The following NFIB variants were observed in gnomAD, a reference collection of about 807,000 sequenced individuals.
NFIB encodes the protein nuclear factor I B.
Under a neutral mutation model 61.5 loss-of-function variants are expected in NFIB, and 11 were observed. The observed-to-expected ratio is 0.18, with a 90% confidence interval of 0.11 to 0.30. The LOEUF is 0.30. Ranked by LOEUF, NFIB falls within the 10% of genes least tolerant of loss-of-function variation. The probability of loss-of-function intolerance (pLI) is 1.00; values close to 1 mark genes in which losing one functional copy is unlikely to be tolerated. For missense variants in NFIB, 471 were observed against 608.9 expected (o/e 0.77, Z 2.38); for synonymous variants, 260 against 216.5 (o/e 1.20, Z -1.76).
At chr9:14,403,158 A>G (rs2061758413), upstream of NFIB, among the ~76,000 whole-genome samples, 1 of 152,178 alleles carries the variant, frequency 6.6e-6, no homozygotes, top group South Asian at 2.1e-4. Context: ...TTTCAAACAC[A>G]TAGTTTATAC....
chr9:14,456,763 A>G, the NFIB span, among the ~76,000 whole-genome samples: 2 of 152,190 alleles, frequency 1.3e-5, no homozygotes, highest in African/African-American at 4.8e-5. Context: ...TAAGTTTTCA[A>G]TAGGGGACAA....
At chr9:14,261,610 T>A (rs564693821) in intron 2 of NFIB, among the ~76,000 whole-genome samples, 150 of 152,218 alleles carry the variant, frequency 9.9e-4, no homozygotes, top group Non-Finnish European at 1.7e-3. Flanking sequence ...CATATCCCAA[T>A]GGGGTACAGA....
intron 2 of NFIB, among the ~76,000 whole-genome samples, chr9:14,250,029 C>T (rs983120398): frequency 3.9e-5 from 6 of 152,296 alleles, no homozygotes; most frequent in Middle Eastern, 3.4e-3. Flanking sequence ...CAAAACCCCT[C>T]GAGTCTCTTT....
intron 8 of NFIB, among the ~76,000 whole-genome samples, chr9:14,116,668 A>T: frequency 6.6e-6 from 1 of 152,280 alleles, no homozygotes; most frequent in Non-Finnish European, 1.5e-5. Flanking sequence ...TGCTTAGCCC[A>T]AAGGCTAAAA....
the NFIB span, among the ~76,000 whole-genome samples, chr9:14,405,806 G>A: frequency 9.2e-5 from 14 of 152,176 alleles, no homozygotes; most frequent in African/African-American, 1.7e-4. Context: ...ATTTAGCCCC[G>A]ATGGGTTCAA....
chr9:14,254,971 A>T (rs1587953408), intron 2 of NFIB, among the ~76,000 whole-genome samples: 1 of 152,146 alleles, frequency 6.6e-6, no homozygotes, highest in African/African-American at 2.4e-5. Context: ...AAATTTCAAA[A>T]CAAAATAACC....
chr9:14,353,822 A>G, intron 1 of NFIB, among the ~76,000 whole-genome samples: 1 of 148,352 alleles, frequency 6.7e-6, no homozygotes, highest in South Asian at 2.2e-4. Context: ...GTCCAAATAG[A>G]GACTCTAGTG....
chr9:14,109,198 A>G (rs1371343908), intron 10 of NFIB, among the ~76,000 whole-genome samples: 1 of 152,076 alleles, frequency 6.6e-6, no homozygotes, highest in East Asian at 1.9e-4. Context: ...AAATTGTTAG[A>G]CTGAATTATA....
chr9:14,476,899 A>G, the NFIB span, among the ~76,000 whole-genome samples: 1 of 152,350 alleles, frequency 6.6e-6, no homozygotes, highest in East Asian at 1.9e-4. Flanking sequence ...ATATTTGTTA[A>G]AAATAGCATG....
chr9:14,234,804 G>GT, intron 2 of NFIB, among the ~76,000 whole-genome samples: 1 of 87,640 alleles, frequency 1.1e-5, no homozygotes, highest in South Asian at 4.0e-4. Context: ...TTTTTTTTTT[G>GT]GTTTTTTTTT....
At chr9:14,138,231 G>C (rs1261322990) in intron 6 of NFIB, among the ~76,000 whole-genome samples, 2 of 152,028 alleles carry the variant, frequency 1.3e-5, no homozygotes, top group East Asian at 1.9e-4. Flanking sequence ...AGAAAGGAAG[G>C]GCTCAATAAA....
the NFIB span, among the ~76,000 whole-genome samples, chr9:14,417,774 G>GTTTTTTT: frequency 7.6e-5 from 7 of 91,776 alleles, no homozygotes; most frequent in Non-Finnish European, 1.2e-4. Context: ...CCTAGGAACA[G>GTTTTTTT]TTTTTTTTTT....
chr9:14,314,791 CTTT>C (rs773956206), upstream of NFIB, among the ~76,000 whole-genome samples: 1 of 133,954 alleles, frequency 7.5e-6, no homozygotes, highest in Non-Finnish European at 1.6e-5. Flanking sequence ...AGAACCATGA[CTTT>C]TTTTTTTTTT....
intron 2 of NFIB, among the ~76,000 whole-genome samples, chr9:14,185,693 G>C (rs1044379195): frequency 1.3e-5 from 2 of 152,044 alleles, no homozygotes; most frequent in African/African-American, 4.8e-5. Flanking sequence ...AAGAAAGAAA[G>C]ACAAAGCATA....
chr9:14,179,750 T>C lies in NFIB; in HGVS notation c.593A>G (p.Asn198Ser), dbSNP rs772175740. The change falls in exon 3 of 11, where the codon AAT (asparagine) becomes AGT (serine). Residue 198 changes from asparagine to serine, a missense_variant. Coordinates refer to ENST00000380953, the MANE Select transcript of NFIB (RefSeq NM_001190737.2). ...DSGQSGSPSHNDPAKNPPGYL... is the reference protein window; with the variant it reads ...DSGQSGSPSHSDPAKNPPGYL... ...ACCTGGAGGATTCTTGGCAGGATCA[T>C]TGTGGCTTGGACTTCCTGATTGTCC... is the stretch of plus-strand genomic sequence containing the variant. The C allele has an allele frequency of 4.2e-5, 68 of 1,613,500 alleles. No homozygotes were observed. The highest frequency in any genetic ancestry group is 2.9e-4 in the South Asian group (26 of 91,014).
chr9:14,171,426 G>A (rs1386375187), intron 3 of NFIB, among the ~76,000 whole-genome samples: 1 of 152,150 alleles, frequency 6.6e-6, no homozygotes, highest in African/African-American at 2.4e-5. Context: ...ATAAACTTGT[G>A]TGCACACATC....
intron 2 of NFIB, among the ~76,000 whole-genome samples, chr9:14,243,078 A>G (rs901697191): frequency 3.3e-5 from 5 of 152,174 alleles, no homozygotes; most frequent in Admixed American, 2.6e-4. Context: ...AAGAAATCCA[A>G]TAGTTATGTA....
the NFIB span, among the ~76,000 whole-genome samples, chr9:14,415,751 G>A: frequency 6.6e-6 from 1 of 152,184 alleles, no homozygotes; most frequent in African/African-American, 2.4e-5. Context: ...TGATGTCGGT[G>A]TCCAACAATA....
chr9:14,106,310 T>A (rs2118918237), intron 10 of NFIB, among the ~76,000 whole-genome samples: 1 of 152,256 alleles, frequency 6.6e-6, no homozygotes, highest in Admixed American at 6.5e-5. Context: ...ATCATTTTAA[T>A]CCTTTAATTT....
Sources: allele counts gnomAD v4.1 joint callset (sites outside exome capture counted in the v4.1 genomes callset), GRCh38; gene constraint gnomAD v4.1.1; transcripts MANE v1.5; gene names NCBI Gene and HGNC (gene_info 2026-07-23, HGNC 2026-07-21).